The following CACTIN variants were observed in gnomAD, a reference collection of about 807,000 sequenced individuals.
The protein encoded by CACTIN is cactin, spliceosome C complex subunit, also known as splicing factor Cactin.
CACTIN carries 20 observed loss-of-function variants against 84.9 expected under a neutral mutation model. The observed-to-expected ratio is 0.24, with a 90% CI of 0.17 to 0.34. CACTIN has a LOEUF of 0.34. CACTIN is among the 10% of genes least tolerant of loss of function. CACTIN has a pLI of 1.00. For missense variants in CACTIN, 897 were observed against 1,117.2 expected (o/e 0.80, Z 2.81); for synonymous variants, 549 against 467.9 (o/e 1.17, Z -2.24).
chr19:3,617,454 G>A (rs1319239602), intron 6 of CACTIN, among the ~76,000 whole-genome samples: 1 of 152,228 alleles, frequency 6.6e-6, no homozygotes, highest in African/African-American at 2.4e-5. Flanking sequence ...AGCCACCTGG[G>A]GTCCCCAACT....
At chr19:3,626,517 C>T in intron 1 of CACTIN, 79 bp downstream of exon 1, 3 of 1,246,700 alleles carry the variant, frequency 2.4e-6, no homozygotes, top group Non-Finnish European at 3.1e-6. Flanking sequence ...TTTCCCGGTT[C>T]CCCGGGATCT....
intron 9 of CACTIN, 110 bp downstream of exon 9, chr19:3,612,948 A>G (rs1420204850): frequency 2.3e-6 from 3 of 1,302,092 alleles, no homozygotes; most frequent in Non-Finnish European, 2.1e-6. Flanking sequence ...AGAAGCAGCA[A>G]GCAGCTCCCC....
chr19:3,618,869 C>T lies in CACTIN; in HGVS notation c.1162+6G>A, dbSNP rs369129676. 337 of 1,548,424 alleles carry T rather than the reference C, an allele frequency of 2.2e-4. No homozygotes were observed. Among genetic ancestry groups the T allele is most frequent in the African/African-American group, 1.0e-3 (75 of 73,174 alleles). ...CCCTGGAGCCCAGGCCCATGCCCGC[C>T]GTTACCTGGCCCCTTGCCCGAGGCC... is the stretch of plus-strand genomic sequence containing the variant. On this transcript the variant is annotated splice_donor_region_variant and intron_variant, in intron 6 of 9. Transcript: ENST00000429344.
chr19:3,621,754 C>T (rs1350396602), intron 2 of CACTIN, among the ~76,000 whole-genome samples: 2 of 152,302 alleles, frequency 1.3e-5, no homozygotes, highest in East Asian at 3.9e-4. Flanking sequence ...GAAGGGGTCT[C>T]TCAAGAGGGG....
chr19:3,617,863 T>C (rs1299323267), intron 6 of CACTIN, among the ~76,000 whole-genome samples: 1 of 152,146 alleles, frequency 6.6e-6, no homozygotes, highest in Non-Finnish European at 1.5e-5. Context: ...AGGAGACCAC[T>C]GGAGGGACAG....
In CACTIN at chr19:3,615,570, T is replaced by G. The variant is rs931419665; in HGVS notation, c.1163-981A>C. ...GAACATCCCTTCCGCCAGGAAGCCC[T>G]CCCTGACCATCCAGCGATGGCAGCT... On this transcript the variant is annotated intron_variant, in intron 6 of 9. Transcript: ENST00000429344. This position sits in a 1 kb window ranked among gnomAD's most constrained non-coding sequence, Gnocchi z 5.2. 3 of 152,344 alleles carry G rather than the reference T, an allele frequency of 2.0e-5. No individual in the cohort carries two copies. Among genetic ancestry groups the G allele is most frequent in the African/African-American group, 7.2e-5 (3 of 41,424 alleles). The allele number at this position is 152,344 out of a possible 1,614,324, so 9.4% of individuals were successfully genotyped here.
Position 3,610,987 on chromosome 19 carries a change from GAGA to G in CACTIN, c.*933_*935del, listed in dbSNP as rs1183191632. On this transcript the variant is annotated 3_prime_UTR_variant, in exon 10 of 10. Transcript: ENST00000429344. ...CCCTCCTGGCCTGAGAAAGGGGAGT[GAGA>G]AGGAGCCACTGTCCTGATATGGGCA... is the stretch of plus-strand genomic sequence containing the variant. The G allele has an allele frequency of 4.4e-6, 2 of 456,390 alleles. No homozygotes were observed. The highest frequency in any genetic ancestry group is 8.8e-6 in the Non-Finnish European group (2 of 226,848). The allele number at this position is 456,390 out of a possible 1,614,324, so 28.3% of individuals were successfully genotyped here.
chr19:3,623,873 G>A lies in CACTIN; in HGVS notation c.457C>T (p.Gln153Ter). ...RLRLREERKQ[Q>*]EELMKAFETP... ...TCGAAGGCCTTCATCAGCTCCTCCT[G>A]CTGCTTCCGCTCCTCCCGCAGCCGC... The change falls in exon 2 of 10, where the codon CAG (glutamine) becomes TAG (stop). Residue 153 changes from glutamine (Q) to a stop codon, truncating the protein, a stop_gained. Coordinates refer to ENST00000429344, the MANE Select transcript of CACTIN (RefSeq NM_001080543.2). LOFTEE classifies it high-confidence loss of function. The A allele has an allele frequency of 6.2e-7, 1 of 1,608,828 alleles. No individual in the cohort carries two copies.
At chr19:3,618,194 TCATCTAGGGCAATTCTGC>T (rs1229382390) in intron 6 of CACTIN, among the ~76,000 whole-genome samples, 1 of 126,498 alleles carries the variant, frequency 7.9e-6, no homozygotes, top group East Asian at 3.0e-4. Context: ...GGGGGGGGTC[TCATCTAGGGCAATTCTGC>T]CCCCAGGGGA....
chr19:3,611,747 T>C lies in CACTIN; in HGVS notation c.*176A>G, dbSNP rs2032956094. On this transcript the variant is annotated 3_prime_UTR_variant, in exon 10 of 10. Transcript: ENST00000429344. ...CAGCTCACCATGGCAGGCTCAATGGTGACCCCCCTTTTATATAGGAGGAAA... is the reference window on the plus strand; with the variant it reads ...CAGCTCACCATGGCAGGCTCAATGGCGACCCCCCTTTTATATAGGAGGAAA... 2.4e-6 allele frequency: 2 copies of C among 831,122 alleles called. No homozygotes were observed. Among genetic ancestry groups the C allele is most frequent in the South Asian group, 3.0e-5 (2 of 67,600 alleles). 51.5% of individuals were successfully genotyped at this position (831,122 alleles called of 1,614,324 possible). A position where few individuals can be genotyped will look rare whatever the true frequency, so the allele number is the denominator to read the frequency against.
At position 3,623,839 on chromosome 19, in the gene CACTIN, T is replaced by C; in HGVS notation, c.491A>G (p.Glu164Gly). 6.2e-7 allele frequency: 1 copy of C among 1,612,280 alleles called. No individual in the cohort carries two copies. The highest frequency in any genetic ancestry group is 8.5e-7 in the Non-Finnish European group (1 of 1,179,874). The stretch of plus-strand genomic sequence containing the variant: ...GGCCAGCCGCCGTGCGCGCTTCTCC[T>C]CGGGCGTCTCGAAGGCCTTCATCAG... Reference protein sequence around the residue: ...EELMKAFETPEEKRARRLAKK... With the variant: ...EELMKAFETPGEKRARRLAKK... The change falls in exon 2 of 10, where the codon GAG becomes GGG. Residue 164 changes from glutamate (E) to glycine (G), a missense_variant. Coordinates refer to ENST00000429344, the MANE Select transcript of CACTIN (RefSeq NM_001080543.2).
rs367649148 is a variant in CACTIN, at chr19:3,612,055, G to C, written c.2145C>G (p.Pro715=). ...CGATCTTGAAAGCGATGTCCTCGTAGGGCGGCCCCGCGTGGAAGCGCAGGA... is the reference window on the plus strand; with the variant it reads ...CGATCTTGAAAGCGATGTCCTCGTACGGCGGCCCCGCGTGGAAGCGCAGGA... ...FAILRFHAGP[P]YEDIAFKIVN... Residue 715 remains proline, a synonymous_variant, in exon 10 of 10, where the codon CCC becomes CCG. Transcript: ENST00000429344. The C allele has an allele frequency of 1.2e-4, 190 of 1,613,860 alleles. 4 individuals carry two copies. In the Middle Eastern group the frequency reaches 4.5e-3, roughly 38 times the overall value.
chr19:3,614,949 C>T, intron 6 of CACTIN: 1 of 375,362 alleles, frequency 2.7e-6, no homozygotes, highest in East Asian at 6.4e-5. Flanking sequence ...CCAACCTGGC[C>T]CAACTCTGCC....
intron 2 of CACTIN, 146 bp downstream of exon 2, chr19:3,623,542 G>T: frequency 1.4e-6 from 1 of 696,054 alleles, no homozygotes; most frequent in Non-Finnish European, 2.4e-6. Flanking sequence ...AAAGAAAGCT[G>T]ATAGCGGCAG....
intron 8 of CACTIN, 29 bp downstream of exon 8, chr19:3,613,435 G>A (rs768205701): frequency 1.3e-6 from 2 of 1,554,194 alleles, no homozygotes; most frequent in East Asian, 2.4e-5. Context: ...CGTCTGCATC[G>A]GCGTCCCCGG....
intron 7 of CACTIN, chr19:3,614,023 CG>C (rs1381334360): frequency 1.3e-5 from 6 of 463,206 alleles, no homozygotes; most frequent in African/African-American, 1.2e-4. Flanking sequence ...GCTGGGAGGG[CG>C]CAGGCCTGGG....
Position 3,613,594 on chromosome 19 carries a change from G to A in CACTIN, c.1356-8C>T, listed in dbSNP as rs2033030099. On this transcript the variant is annotated splice_region_variant and splice_polypyrimidine_tract_variant and intron_variant, in intron 7 of 9. Coordinates refer to ENST00000429344, the MANE Select transcript of CACTIN (RefSeq NM_001080543.2). Reference sequence around the variant, plus strand: ...TGGTGGCGCTCACGCAGCCTGGGACGCAGAGCCGGGGTCACCCGCATGGAG... The same window carrying A: ...TGGTGGCGCTCACGCAGCCTGGGACACAGAGCCGGGGTCACCCGCATGGAG... 1.9e-6 allele frequency: 3 copies of A among 1,597,624 alleles called. No homozygotes were observed. The highest frequency in any genetic ancestry group is 1.1e-5 in the South Asian group (1 of 89,972).
Position 3,611,803 on chromosome 19 carries a change from G to T in CACTIN, c.*120C>A. The T allele has an allele frequency of 8.0e-7, 1 of 1,248,256 alleles. No homozygotes were observed. Among genetic ancestry groups the T allele is most frequent in the Non-Finnish European group, 1.1e-6 (1 of 883,000 alleles). 77.3% of individuals were successfully genotyped at this position (1,248,256 alleles called of 1,614,324 possible). On this transcript the variant is annotated 3_prime_UTR_variant, in exon 10 of 10. Coordinates refer to ENST00000429344, the MANE Select transcript of CACTIN (RefSeq NM_001080543.2). ...GCCTGGCGAAAGAAAGATGCGGCCT[G>T]AGGTGGGACGTGAACCCGCGGCCCT... is the stretch of plus-strand genomic sequence containing the variant.
chr19:3,626,289 A>G (rs2033329879), intron 1 of CACTIN, among the ~76,000 whole-genome samples: 1 of 152,212 alleles, frequency 6.6e-6, no homozygotes, highest in East Asian at 1.9e-4. Flanking sequence ...TCCGACTAAT[A>G]GCCAAGATCT....
Sources: gnomAD v4.1 joint callset for allele counts (sites outside exome capture counted in the v4.1 genomes callset) on GRCh38, gnomAD v4.1.1 for gene constraint, Gnocchi (gnomAD v3.1) non-coding constraint, MANE v1.5 for transcripts, NCBI Gene and HGNC (gene_info 2026-07-23, HGNC 2026-07-21) for gene names.